The following PAK3 variants were observed in gnomAD, a reference collection of about 807,000 sequenced individuals.
The protein encoded by PAK3 is p21 (RAC1) activated kinase 3.
PAK3 carries 4 observed loss-of-function variants against 41.0 expected under a neutral mutation model. The ratio of observed to expected loss-of-function variants is 0.10; its 90% CI spans 0.05 to 0.22. The LOEUF (loss-of-function observed/expected upper bound fraction) is 0.22, where lower values mean the gene tolerates loss of function less well. Among genes scored for constraint, PAK3 ranks in the 10% least tolerant of loss-of-function variants. PAK3 has a pLI of 1.00. For synonymous variants in PAK3, 146 were observed against 139.6 expected, an observed-to-expected ratio of 1.05 and a Z score of -0.32; for missense variants, 205 against 409.9, an observed-to-expected ratio of 0.50 and a Z score of 4.32.
chrX:110,946,301 A>G (rs757197014), intron 1 of PAK3, among the ~76,000 whole-genome samples: 2 of 109,721 alleles, frequency 1.8e-5, no homozygotes, highest in African/African-American at 6.6e-5. Flanking sequence ...TGTGACTGCC[A>G]AATTCTCAAC....
chrX:111,078,886 T>C (rs1192999092), intron 1 of PAK3, among the ~76,000 whole-genome samples: 1 of 111,993 alleles, frequency 8.9e-6, no homozygotes, highest in Non-Finnish European at 1.9e-5. Context: ...ATTGCTAATA[T>C]GGGCAAAGTT....
rs139868951 is a variant in PAK3, at chrX:111,226,878, A to G, written c.*6431A>G. On this transcript the variant is annotated 3_prime_UTR_variant, in exon 18 of 18. Transcript: ENST00000372007. Reference sequence around the variant, plus strand: ...CACAGAATCCTGTAGCTACTAATGCATTGAGTTTTTAATCTCAGTACATCA... The same window carrying G: ...CACAGAATCCTGTAGCTACTAATGCGTTGAGTTTTTAATCTCAGTACATCA... 8.9e-6 allele frequency: 1 copy of G among 112,295 alleles called. No individual in the cohort carries two copies. The highest frequency in any genetic ancestry group is 3.2e-5 in the African/African-American group (1 of 30,874). The allele number at this position is 112,295 out of a possible 1,213,427, so 9.3% of individuals were successfully genotyped here. A position where few individuals can be genotyped will look rare whatever the true frequency, so the allele number is the denominator to read the frequency against.
At chrX:110,948,715 T>A (rs769428052) in intron 1 of PAK3, among the ~76,000 whole-genome samples, 21 of 111,248 alleles carry the variant, frequency 1.9e-4, no homozygotes, top group Non-Finnish European at 3.4e-4. Context: ...AAAATGAACG[T>A]CAAGACATTC....
chrX:111,101,919 G>A (rs953256851), intron 3 of PAK3, among the ~76,000 whole-genome samples: 2 of 111,995 alleles, frequency 1.8e-5, no homozygotes, highest in African/African-American at 3.3e-5. Context: ...AATTCCAGAA[G>A]GGGGAATTGG....
At chrX:111,021,865 A>G (rs2092188537) in intron 1 of PAK3, among the ~76,000 whole-genome samples, 1 of 110,975 alleles carries the variant, frequency 9.0e-6, no homozygotes, top group Non-Finnish European at 1.9e-5. Flanking sequence ...GGACACACTT[A>G]GAGAAATGCA....
At chrX:110,963,724 G>A (rs1247313814) in intron 1 of PAK3, among the ~76,000 whole-genome samples, 2 of 112,684 alleles carry the variant, frequency 1.8e-5, no homozygotes, top group Non-Finnish European at 3.7e-5. Flanking sequence ...CCTTGGGCAA[G>A]TCACTGAACA....
chrX:111,045,055 C>A (rs908567107), intron 1 of PAK3, among the ~76,000 whole-genome samples: 9 of 111,971 alleles, frequency 8.0e-5, no homozygotes, highest in African/African-American at 2.9e-4. Context: ...CCTCTCCAGA[C>A]CTTTTCTCCT....
rs149252343 is a variant in PAK3, at chrX:111,058,300, C to T, written c.-27-64777C>T. On this transcript the variant is annotated intron_variant, in intron 1 of 14. Coordinates refer to the PAK3 transcript ENST00000425146. ...GCCCCATTTACATTACAACCAGAAA[C>T]GTATGAGGGTTACAATTTCTCCAAA... Among the ~76,000 whole-genome samples the T allele has an allele frequency of 7.7e-3, 859 of 111,580 alleles. 12 individuals are homozygous for T. Among genetic ancestry groups the T allele is most frequent in the African/African-American group, 0.027 (817 of 30,704 alleles).
At chrX:111,178,990 G>GAGAGAGAT (rs1556239371) in intron 11 of PAK3, among the ~76,000 whole-genome samples, 1 of 92,833 alleles carries the variant, frequency 1.1e-5, no homozygotes, top group African/African-American at 3.9e-5. Context: ...TAGAGAGAGA[G>GAGAGAGAT]ATATCTGTAT....
At chrX:111,082,307 C>T (rs770751271) in intron 1 of PAK3, among the ~76,000 whole-genome samples, 32 of 111,902 alleles carry the variant, frequency 2.9e-4, no homozygotes, top group African/African-American at 8.8e-4. Context: ...CTCTCTATTA[C>T]ATAGGTGGGG....
At chrX:111,091,215 G>A (rs763690000), upstream of PAK3, among the ~76,000 whole-genome samples, 349 of 111,599 alleles carry the variant, frequency 3.1e-3, no homozygotes, top group Middle Eastern at 4.6e-3. Flanking sequence ...CAGAAAGCTC[G>A]TAGGTTCTAC....
intron 1 of PAK3, among the ~76,000 whole-genome samples, chrX:111,037,931 T>C (rs1477862713): frequency 9.0e-6 from 1 of 111,481 alleles, no homozygotes. Context: ...GCTTGCAACA[T>C]AGTGATTACA....
chrX:110,987,575 T>G (rs187052359), intron 1 of PAK3, among the ~76,000 whole-genome samples: 404 of 112,071 alleles, frequency 3.6e-3, no homozygotes, highest in Non-Finnish European at 6.4e-3. Flanking sequence ...TGGGTCTCTG[T>G]TTTTTCATTT....
chrX:111,192,581 GA>G lies in PAK3; in HGVS notation c.959del (p.Asn320IlefsTer10). The G allele has an allele frequency of 9.3e-7, 1 of 1,079,487 alleles. No homozygotes were observed. The highest frequency in any genetic ancestry group is 1.3e-6 in the Non-Finnish European group (1 of 775,492). The allele number at this position is 1,079,487 out of a possible 1,213,427, so 89.0% of individuals were successfully genotyped here. On this transcript the variant is annotated frameshift_variant, in exon 13 of 18. Coordinates refer to ENST00000372007, the MANE Select transcript of PAK3 (RefSeq NM_002578.5). LOFTEE classifies it high-confidence loss of function. ...LIINEILVMR[E>X]NKNPNIVNYL... ...TATTAATGAAATTCTGGTCATGAGG[GA>G]AAATAAGAACCCTAATATTGTTAAT... is the stretch of plus-strand genomic sequence containing the variant.
At chrX:111,202,282 T>C (rs2094692516) in intron 16 of PAK3, among the ~76,000 whole-genome samples, 1 of 111,770 alleles carries the variant, frequency 8.9e-6, no homozygotes, top group Admixed American at 9.5e-5. Flanking sequence ...ATTGACCTAA[T>C]TTGTTCATAA....
intron 11 of PAK3, among the ~76,000 whole-genome samples, chrX:111,189,130 C>A (rs1210879757): frequency 9.0e-6 from 1 of 111,145 alleles, no homozygotes; most frequent in South Asian, 3.8e-4. Context: ...TATGTTCATG[C>A]GTACCCAATG....
At chrX:111,038,874 G>A (rs760022632) in intron 1 of PAK3, among the ~76,000 whole-genome samples, 5 of 111,909 alleles carry the variant, frequency 4.5e-5, no homozygotes, top group Non-Finnish European at 9.4e-5. Context: ...ATTAAGAATT[G>A]GAGGGAGTTC....
chrX:111,147,611 A>G, intron 6 of PAK3, 126 bp from the exon 7 acceptor site: 2 of 552,769 alleles, frequency 3.6e-6, no homozygotes, highest in Non-Finnish European at 6.6e-6. Context: ...TCTAGAATGT[A>G]ACTTCAGTTT....
chrX:111,129,727 A>G lies in PAK3; in HGVS notation c.175+6449A>G, dbSNP rs1243818657. 2.7e-5 allele frequency among the ~76,000 whole-genome samples: 3 copies of G among 111,577 alleles called. No individual in the cohort carries two copies. In the Admixed American group the frequency reaches 2.9e-4, roughly 11 times the overall value. On this transcript the variant is annotated intron_variant, in intron 5 of 17. Coordinates refer to ENST00000372007, the MANE Select transcript of PAK3 (RefSeq NM_002578.5). ...GGGAGATGTTTACACTAAGGTAAAG[A>G]AGCCACAGGGAGAAATAAACTGAGA...
Sources: allele counts gnomAD v4.1 joint callset (sites outside exome capture counted in the v4.1 genomes callset), GRCh38; gene constraint gnomAD v4.1.1; transcripts MANE v1.5; gene names NCBI Gene and HGNC (gene_info 2026-07-23, HGNC 2026-07-21).